Variants in CRADD observed in about 807,000 individuals in gnomAD.
CRADD encodes the protein death domain-containing protein CRADD.
A neutral mutation model predicts 15.5 loss-of-function variants in CRADD; 9 were observed. The observed-to-expected ratio is 0.58, with a 90% CI of 0.35 to 1.01. CRADD has a LOEUF of 1.01. Among genes scored for constraint, CRADD ranks in the 50% least tolerant of loss-of-function variants. The pLI is 0.02. For missense variants in CRADD, 227 were observed against 250.3 expected (o/e 0.91, Z 0.63); for synonymous variants, 118 against 107.6 (o/e 1.10, Z -0.60).
chr12:93,767,190 A>T (rs1204534585), intron 2 of CRADD, among the ~76,000 whole-genome samples: 1 of 152,240 alleles, frequency 6.6e-6, no homozygotes, highest in Non-Finnish European at 1.5e-5. Flanking sequence ...TGTGCAAGTG[A>T]TATTAACAAA....
chr12:93,807,539 C>T (rs558086650), intron 2 of CRADD, among the ~76,000 whole-genome samples: 1 of 152,016 alleles, frequency 6.6e-6, no homozygotes, highest in Non-Finnish European at 1.5e-5. Flanking sequence ...TAGGCACTGT[C>T]CTAGGTACCA....
rs368154766 is a variant in CRADD at position 93,706,779 on chromosome 12, C to T, written c.298+27707C>T. Among the ~76,000 whole-genome samples, 61 of 152,336 alleles carry T rather than the reference C, an allele frequency of 4.0e-4. 1 individual carries two copies. Among genetic ancestry groups the T allele is most frequent in the African/African-American group, 1.4e-3 (59 of 41,582 alleles). ...GGCAGCATCCGATTGAAAATCATTTCAGAAATTCTTAGTATTGCATGCAAT... is the reference window on the plus strand; with the variant it reads ...GGCAGCATCCGATTGAAAATCATTTTAGAAATTCTTAGTATTGCATGCAAT... On this transcript the variant is annotated intron_variant, in intron 2 of 2. Coordinates refer to ENST00000332896, the MANE Select transcript of CRADD (RefSeq NM_003805.5).
intron 2 of CRADD, among the ~76,000 whole-genome samples, chr12:93,727,679 G>C (rs1956392853): frequency 6.6e-6 from 1 of 152,170 alleles, no homozygotes; most frequent in Non-Finnish European, 1.5e-5. Flanking sequence ...ATGTGGCTCG[G>C]TGACCCACAG....
At chr12:93,871,388 C>A (rs1387040894) in intron 2 of CRADD, among the ~76,000 whole-genome samples, 1 of 151,918 alleles carries the variant, frequency 6.6e-6, no homozygotes, top group Non-Finnish European at 1.5e-5. Context: ...TCCCCTCAAG[C>A]CTTTATCTTT....
In CRADD at chr12:93,816,787, G is replaced by A. The variant is rs1298816032; in HGVS notation, c.299-33183G>A. 4.6e-5 allele frequency among the ~76,000 whole-genome samples: 7 copies of A among 152,308 alleles called. No homozygotes were observed. In the East Asian group the frequency reaches 5.8e-4, roughly 13 times the overall value. ...TGTAGAATGACAATGGATGGGGAAC[G>A]GGGGTGCAGCAGGTGGAGTTTACCA... On this transcript the variant is annotated intron_variant, in intron 2 of 2. Transcript: ENST00000332896.
At chr12:93,699,290 G>T (rs772183590) in intron 2 of CRADD, among the ~76,000 whole-genome samples, 4 of 152,086 alleles carry the variant, frequency 2.6e-5, no homozygotes, top group Non-Finnish European at 5.9e-5. Flanking sequence ...GTCATACCAG[G>T]GCCATTGAAG....
At position 93,850,582 on chromosome 12, in the gene CRADD, CAT is replaced by C. The variant is rs143488494; in HGVS notation, c.*324_*325del. On this transcript the variant is annotated 3_prime_UTR_variant, in exon 3 of 3. Coordinates refer to ENST00000332896, the MANE Select transcript of CRADD (RefSeq NM_003805.5). This position sits in a 1 kb window ranked among gnomAD's most constrained non-coding sequence, Gnocchi z 4.0. ...ATCACAGTGGTTCAAAATATATATC[CAT>C]ATATATATATATCCATATATATATC... The C allele has an allele frequency of 3.8e-3, 3,281 of 863,242 alleles. No homozygotes were observed. The highest frequency in any genetic ancestry group is 4.3e-3 in the Middle Eastern group (8 of 1,882). 53.5% of individuals were successfully genotyped at this position (863,242 alleles called of 1,614,324 possible). A position where few individuals can be genotyped will look rare whatever the true frequency, so the allele number is the denominator to read the frequency against.
chr12:93,769,855 T>G (rs1454071857), intron 2 of CRADD, among the ~76,000 whole-genome samples: 2 of 152,204 alleles, frequency 1.3e-5, no homozygotes, highest in Admixed American at 1.3e-4. Context: ...TGTCAGACAT[T>G]TTCTCATTTA....
At chr12:93,816,559 T>G (rs1485693570) in intron 2 of CRADD, among the ~76,000 whole-genome samples, 1 of 152,174 alleles carries the variant, frequency 6.6e-6, no homozygotes, top group Non-Finnish European at 1.5e-5. Context: ...ATTTTATGCT[T>G]CTTTTATACT....
intron 2 of CRADD, among the ~76,000 whole-genome samples, chr12:93,706,298 A>C (rs969348329): frequency 3.3e-5 from 5 of 152,128 alleles, no homozygotes; most frequent in African/African-American, 9.7e-5. Flanking sequence ...TCTTTTGTTG[A>C]TTCTTTAAAA....
chr12:93,857,013 C>T (rs1027150643), intron 2 of CRADD, among the ~76,000 whole-genome samples: 2 of 152,110 alleles, frequency 1.3e-5, no homozygotes, highest in Non-Finnish European at 2.9e-5. Context: ...CTCACAAAGA[C>T]ACAGTTCAGT....
Position 93,850,582 on chromosome 12 carries a change from CATAT to C in CRADD, c.*322_*325del. ...ATCACAGTGGTTCAAAATATATATC[CATAT>C]ATATATATATCCATATATATATCTC... On this transcript the variant is annotated 3_prime_UTR_variant, in exon 3 of 3. Transcript: ENST00000332896. This position sits in a 1 kb window ranked among gnomAD's most constrained non-coding sequence, Gnocchi z 4.0. The C allele has an allele frequency of 3.4e-6, 3 of 883,282 alleles. No individual in the cohort carries two copies. Among genetic ancestry groups the C allele is most frequent in the Non-Finnish European group, 4.1e-6 (3 of 723,760 alleles). The allele number at this position is 883,282 out of a possible 1,614,324, so 54.7% of individuals were successfully genotyped here.
At chr12:93,680,027 A>T (rs1177425452) in intron 2 of CRADD, among the ~76,000 whole-genome samples, 2 of 152,158 alleles carry the variant, frequency 1.3e-5, no homozygotes, top group African/African-American at 4.8e-5. Context: ...TCTCAGTTTA[A>T]TTTGAAGGAG....
rs114787431 is a variant in CRADD at position 93,775,787 on chromosome 12, T to A, written c.299-74183T>A. Among the ~76,000 whole-genome samples, 1,433 of 152,270 alleles carry A rather than the reference T, an allele frequency of 9.4e-3. 31 individuals carry two copies. Among genetic ancestry groups the A allele is most frequent in the African/African-American group, 0.033 (1,369 of 41,536 alleles). ...AAACAGGTGATGTTCATTTTCAGCATCATTAGCTCCTCTTTGGTGTGTCTC... is the reference window on the plus strand; with the variant it reads ...AAACAGGTGATGTTCATTTTCAGCAACATTAGCTCCTCTTTGGTGTGTCTC... On this transcript the variant is annotated intron_variant, in intron 2 of 2. Transcript: ENST00000332896.
At chr12:93,801,677 G>A (rs970245894) in intron 2 of CRADD, among the ~76,000 whole-genome samples, 1 of 152,220 alleles carries the variant, frequency 6.6e-6, no homozygotes, top group Non-Finnish European at 1.5e-5. Flanking sequence ...GGGATTCCAG[G>A]CATGAGCCAC....
chr12:93,803,405 G>A (rs1957496127), intron 2 of CRADD, among the ~76,000 whole-genome samples: 1 of 152,076 alleles, frequency 6.6e-6, no homozygotes, highest in African/African-American at 2.4e-5. Context: ...CAAGAAAGAG[G>A]CCCACTCCTC....
chr12:93,724,923 C>G (rs998232194), intron 2 of CRADD, among the ~76,000 whole-genome samples: 1 of 151,882 alleles, frequency 6.6e-6, no homozygotes, highest in Admixed American at 6.6e-5. Flanking sequence ...TGCAGTGGCG[C>G]GATCTCGGCT....
intron 2 of CRADD, among the ~76,000 whole-genome samples, chr12:93,800,060 CAGAG>C (rs1419303015): frequency 1.3e-5 from 2 of 152,098 alleles, no homozygotes; most frequent in East Asian, 3.8e-4. Flanking sequence ...TAGATTGACA[CAGAG>C]AGAGTAACAG....
intron 2 of CRADD, among the ~76,000 whole-genome samples, chr12:93,717,477 T>C (rs978665325): frequency 6.6e-6 from 1 of 152,192 alleles, no homozygotes; most frequent in Non-Finnish European, 1.5e-5. Flanking sequence ...TCTCCTATGT[T>C]ATCTTCCAGG....
Sources: gnomAD v4.1 joint callset for allele counts (sites outside exome capture counted in the v4.1 genomes callset) on GRCh38, gnomAD v4.1.1 for gene constraint, Gnocchi (gnomAD v3.1) non-coding constraint, MANE v1.5 for transcripts, NCBI Gene and HGNC (gene_info 2026-07-23, HGNC 2026-07-21) for gene names.